Variants in AFG2A observed in about 807,000 individuals in gnomAD.
AFG2A encodes ATPase family gene 2 protein homolog A.
the AFG2A span, among the ~76,000 whole-genome samples, chr4:123,183,973 T>TTCATTC: frequency 8.5e-6 from 1 of 116,968 alleles, no homozygotes; most frequent in Non-Finnish European, 2.0e-5. Flanking sequence ...TTCATTCATT[T>TTCATTC]ATGGTAGAGA....
chr4:123,130,140 A>G, the AFG2A span, among the ~76,000 whole-genome samples: 1 of 151,562 alleles, frequency 6.6e-6, no homozygotes, highest in Non-Finnish European at 1.5e-5. Flanking sequence ...CCCAAGTAGC[A>G]GGGACTATAG....
the AFG2A span, among the ~76,000 whole-genome samples, chr4:123,309,045 A>T: frequency 1.4e-4 from 22 of 152,310 alleles, no homozygotes; most frequent in Non-Finnish European, 2.9e-4. Flanking sequence ...GAGCAAAAGT[A>T]AAAAGCTATG....
the AFG2A span, among the ~76,000 whole-genome samples, chr4:123,238,451 G>C: frequency 6.6e-6 from 1 of 152,118 alleles, no homozygotes; most frequent in Non-Finnish European, 1.5e-5. Context: ...TCATACAGGC[G>C]GGTTTCCCTC....
chr4:123,118,355 A>ATATTATATATAATATATATAT, the AFG2A span, among the ~76,000 whole-genome samples: 1 of 134,728 alleles, frequency 7.4e-6, no homozygotes, highest in African/African-American at 3.0e-5. Context: ...TATATATATT[A>ATATTATATATAATATATATAT]TATATATATA....
the AFG2A span, among the ~76,000 whole-genome samples, chr4:123,096,678 C>T: frequency 8.6e-5 from 13 of 152,014 alleles, no homozygotes; most frequent in East Asian, 1.5e-3. Flanking sequence ...TTATCCCTAG[C>T]GTATAAACCT....
At chr4:123,022,211 T>G in the AFG2A span, among the ~76,000 whole-genome samples, 1 of 151,566 alleles carries the variant, frequency 6.6e-6, no homozygotes, top group Non-Finnish European at 1.5e-5. Context: ...CTAAAGAGCT[T>G]CTGCACAGCA....
chr4:122,986,068 G>A, the AFG2A span, among the ~76,000 whole-genome samples: 1 of 151,950 alleles, frequency 6.6e-6, no homozygotes, highest in Non-Finnish European at 1.5e-5. Flanking sequence ...TAATTTTCAT[G>A]TATTTGCATG....
chr4:123,056,573 A>G, the AFG2A span: 3 of 524,282 alleles, frequency 5.7e-6, no homozygotes, highest in South Asian at 1.3e-4. Flanking sequence ...TTTTTTCTTC[A>G]GGTAAATATT....
At chr4:123,056,686 A>G in the AFG2A span, among the ~76,000 whole-genome samples, 1 of 152,346 alleles carries the variant, frequency 6.6e-6, no homozygotes, top group Non-Finnish European at 1.5e-5. Flanking sequence ...TTTTCTGATA[A>G]TAATAGCCAG....
chr4:122,983,976 C>T, the AFG2A span, among the ~76,000 whole-genome samples: 2 of 152,092 alleles, frequency 1.3e-5, no homozygotes, highest in African/African-American at 4.8e-5. Context: ...CAAAGGGATT[C>T]GAACAACAAC....
At chr4:123,235,484 T>C in the AFG2A span, among the ~76,000 whole-genome samples, 6 of 152,154 alleles carry the variant, frequency 3.9e-5, no homozygotes, top group African/African-American at 1.4e-4. Flanking sequence ...TGCCCTGTAC[T>C]AGATGGAGAT....
chr4:123,248,057 C>T, the AFG2A span, among the ~76,000 whole-genome samples: 1 of 151,926 alleles, frequency 6.6e-6, no homozygotes, highest in Non-Finnish European at 1.5e-5. Context: ...GTATTTTCCT[C>T]ACAGTGCTTT....
chr4:123,099,478 A>G, the AFG2A span, among the ~76,000 whole-genome samples: 1 of 151,248 alleles, frequency 6.6e-6, no homozygotes, highest in Non-Finnish European at 1.5e-5. Flanking sequence ...GTAGTTTTTC[A>G]GTTTTAGCTC....
At chr4:122,966,391 C>T in the AFG2A span, among the ~76,000 whole-genome samples, 3 of 152,164 alleles carry the variant, frequency 2.0e-5, no homozygotes, top group South Asian at 6.2e-4. Flanking sequence ...TTTATTTAAA[C>T]ATGTTCTTTC....
the AFG2A span, among the ~76,000 whole-genome samples, chr4:123,069,524 G>T: frequency 6.6e-6 from 1 of 152,246 alleles, no homozygotes; most frequent in East Asian, 1.9e-4. Flanking sequence ...AACAGATGAA[G>T]AGAACTTTTG....
the AFG2A span, among the ~76,000 whole-genome samples, chr4:123,288,988 A>G: frequency 2.0e-5 from 3 of 152,342 alleles, no homozygotes; most frequent in Admixed American, 6.5e-5. Context: ...CACAAATACT[A>G]ACATTGAACC....
the AFG2A span, among the ~76,000 whole-genome samples, chr4:123,214,304 G>A: frequency 2.6e-5 from 4 of 152,074 alleles, no homozygotes; most frequent in Admixed American, 6.6e-5. Context: ...TCAAGGAAAC[G>A]TGTGGGACAA....
chr4:123,206,823 T>C, the AFG2A span, among the ~76,000 whole-genome samples: 1 of 152,304 alleles, frequency 6.6e-6, no homozygotes, highest in South Asian at 2.1e-4. Flanking sequence ...TTCACTGTGT[T>C]TTTCACCCAT....
At chr4:123,173,381 A>T in the AFG2A span, among the ~76,000 whole-genome samples, 12 of 96,154 alleles carry the variant, frequency 1.2e-4, no homozygotes, top group Admixed American at 1.6e-4. Context: ...TTTGAGTCGG[A>T]TTCTCACCCT....
Sources: allele counts gnomAD v4.1 joint callset (sites outside exome capture counted in the v4.1 genomes callset), GRCh38; gene constraint gnomAD v4.1.1; transcripts MANE v1.5; gene names NCBI Gene and HGNC (gene_info 2026-07-23, HGNC 2026-07-21).